DKK3: variants seen among roughly 807,000 people sequenced by gnomAD.
DKK3 encodes the protein dickkopf Wnt signaling pathway inhibitor 3, also known as dickkopf-related protein 3.
Under a neutral mutation model 33.2 loss-of-function variants are expected in DKK3, and 22 were observed. The ratio of observed to expected loss-of-function variants is 0.66; its 90% confidence interval spans 0.47 to 0.95. DKK3 has a LOEUF of 0.95. DKK3 is among the 40% of genes least tolerant of loss of function. The pLI is 0.00. For missense variants in DKK3, 398 were observed against 458.4 expected (o/e 0.87, Z 1.20); for synonymous variants, 194 against 188.8 (o/e 1.03, Z -0.23).
intron 4 of DKK3, among the ~76,000 whole-genome samples, 181 bp from the exon 5 acceptor site, chr11:11,967,279 A>G (rs1847620623): frequency 6.6e-6 from 1 of 152,220 alleles, no homozygotes; most frequent in African/African-American, 2.4e-5. Context: ...CTGGCGAGAC[A>G]TGGGGGTCAG....
chr11:11,990,879 G>A (rs1398508089), intron 3 of DKK3, among the ~76,000 whole-genome samples: 1 of 152,230 alleles, frequency 6.6e-6, no homozygotes, highest in South Asian at 2.1e-4. Context: ...CAGGGAGCCT[G>A]TCAAGAAGTG....
chr11:11,991,503 TG>T (rs975963501), intron 3 of DKK3, among the ~76,000 whole-genome samples: 6 of 152,072 alleles, frequency 3.9e-5, no homozygotes, highest in African/African-American at 1.4e-4. Context: ...GAGGATCTCC[TG>T]GGGCCAGGAG....
At chr11:11,971,569 AC>A (rs1198950278) in intron 3 of DKK3, among the ~76,000 whole-genome samples, 1 of 152,242 alleles carries the variant, frequency 6.6e-6, no homozygotes, top group Non-Finnish European at 1.5e-5. Flanking sequence ...CAAAAAACAT[AC>A]ATTCCATTAA....
chr11:11,988,004 C>T (rs1348524696), intron 3 of DKK3, among the ~76,000 whole-genome samples: 2 of 152,218 alleles, frequency 1.3e-5, no homozygotes, highest in East Asian at 3.9e-4. Flanking sequence ...TGGCCTCCTA[C>T]TTGTAAAATA....
intron 3 of DKK3, among the ~76,000 whole-genome samples, chr11:11,973,487 C>T (rs1226205769): frequency 6.6e-6 from 1 of 152,218 alleles, no homozygotes; most frequent in Non-Finnish European, 1.5e-5. Flanking sequence ...CACCCTGCTG[C>T]ATGGACTTCA....
intron 1 of DKK3, among the ~76,000 whole-genome samples, chr11:12,005,300 A>C (rs747968339): frequency 2.6e-5 from 4 of 152,232 alleles, no homozygotes; most frequent in Admixed American, 6.5e-5. Flanking sequence ...TGGAAATTTC[A>C]ACCGCAACTA....
intron 3 of DKK3, among the ~76,000 whole-genome samples, chr11:11,970,713 T>C (rs1174595448): frequency 6.6e-6 from 1 of 152,220 alleles, no homozygotes; most frequent in Non-Finnish European, 1.5e-5. Context: ...GTCAGAGTGA[T>C]ATCATGCCAG....
At chr11:12,009,474 C>T, upstream of DKK3, 6 of 919,206 alleles carry the variant, frequency 6.5e-6, no homozygotes, top group South Asian at 5.0e-5. Context: ...CGCCCCACGC[C>T]CCACGCCCTC....
At chr11:11,985,134 G>A in intron 3 of DKK3, among the ~76,000 whole-genome samples, 1 of 152,174 alleles carries the variant, frequency 6.6e-6, no homozygotes, top group Admixed American at 6.5e-5. Flanking sequence ...TCTAGGGAAG[G>A]TGGTCTGGGC....
At chr11:11,967,208 G>C (rs1847619244) in intron 4 of DKK3, 110 bp from the exon 5 acceptor site, 2 of 1,323,872 alleles carry the variant, frequency 1.5e-6, no homozygotes, top group Non-Finnish European at 1.0e-6. Flanking sequence ...TCCCATTGTA[G>C]AGACAGGCAG....
intron 6 of DKK3, among the ~76,000 whole-genome samples, chr11:11,965,144 C>T (rs1006630113): frequency 1.3e-5 from 2 of 152,170 alleles, no homozygotes; most frequent in East Asian, 1.9e-4. Flanking sequence ...TTGGTAGAGA[C>T]GGGATCTCCC....
chr11:12,003,099 T>C (rs540566771), intron 1 of DKK3, among the ~76,000 whole-genome samples: 1 of 152,270 alleles, frequency 6.6e-6, no homozygotes, highest in Non-Finnish European at 1.5e-5. Flanking sequence ...CTTGCAGGCA[T>C]ACCGTTGATT....
intron 5 of DKK3, 70 bp from the exon 6 acceptor site, chr11:11,966,035 GAA>G: frequency 6.6e-7 from 1 of 1,507,172 alleles, no homozygotes; most frequent in Non-Finnish European, 8.9e-7. Context: ...GAGGGGCAAA[GAA>G]ATGGAGCATA....
intron 3 of DKK3, among the ~76,000 whole-genome samples, chr11:11,983,686 G>A (rs1379781344): frequency 1.3e-5 from 2 of 152,222 alleles, no homozygotes; most frequent in African/African-American, 4.8e-5. Flanking sequence ...TGCAGTTGTG[G>A]GCAGCAGGAG....
At chr11:12,009,179 G>A (rs1339409601), upstream of DKK3, 13 of 985,054 alleles carry the variant, frequency 1.3e-5, no homozygotes, top group Non-Finnish European at 1.6e-5. Flanking sequence ...CACCCCGACT[G>A]GACCGAGTTG....
At position 11,968,949 on chromosome 11, in the gene DKK3, A is replaced by G. The variant is rs185845741; in HGVS notation, c.436-462T>C. On this transcript the variant is annotated intron_variant, in intron 3 of 6. Coordinates refer to ENST00000683431, the MANE Select transcript of DKK3 (RefSeq NM_001018057.2). ...AGGGGGCATCGCTAGGGACCCTGCCAGAAAGCCACAGCCCTGCCCACAGAG... is the reference window on the plus strand; with the variant it reads ...AGGGGGCATCGCTAGGGACCCTGCCGGAAAGCCACAGCCCTGCCCACAGAG... Among the ~76,000 whole-genome samples the G allele has an allele frequency of 2.8e-3, 422 of 152,298 alleles. 2 individuals are homozygous for G. Among genetic ancestry groups the G allele is most frequent in the African/African-American group, 8.5e-3 (355 of 41,578 alleles).
intron 4 of DKK3, 66 bp from the exon 5 acceptor site, chr11:11,967,164 C>A: frequency 1.3e-6 from 2 of 1,568,276 alleles, no homozygotes. Flanking sequence ...GAGAGCCCAG[C>A]CTGAAGATAC....
In DKK3 at chr11:11,998,736, A is replaced by C; in HGVS notation, c.395T>G (p.Val132Gly). 3.1e-6 allele frequency: 5 copies of C among 1,614,198 alleles called. No individual in the cohort carries two copies. Among genetic ancestry groups the C allele is most frequent in the Non-Finnish European group, 4.2e-6 (5 of 1,180,038 alleles). ...QTGQMVFSET[V>G]ITSVGDEEGR... Reference sequence around the variant, plus strand: ...TTCTTCGTCTCCCACAGATGTGATAACTGTCTCTGAAAAGACCATTTGTCC... The same window carrying C: ...TTCTTCGTCTCCCACAGATGTGATACCTGTCTCTGAAAAGACCATTTGTCC... Residue 132 changes from valine (V) to glycine (G), a missense_variant, in exon 3 of 7, where the codon GTT (valine) becomes GGT (glycine). Coordinates refer to ENST00000683431, the MANE Select transcript of DKK3 (RefSeq NM_001018057.2).
At chr11:11,968,818 A>T in intron 3 of DKK3, 1 of 197,622 alleles carries the variant, frequency 5.1e-6, no homozygotes. Context: ...GAACATATGG[A>T]TTTAATAAAA....
Sources: gnomAD v4.1 joint callset for allele counts (sites outside exome capture counted in the v4.1 genomes callset) on GRCh38, gnomAD v4.1.1 for gene constraint, MANE v1.5 for transcripts, NCBI Gene and HGNC (gene_info 2026-07-23, HGNC 2026-07-21) for gene names.